BMPR1A: variants seen among roughly 807,000 people sequenced by gnomAD.
BMPR1A encodes the protein bone morphogenetic protein receptor type 1A.
Under a neutral mutation model 66.0 loss-of-function variants are expected in BMPR1A, and 7 were observed. The observed-to-expected ratio is 0.11, with a 90% CI of 0.06 to 0.20. The LOEUF (loss-of-function observed/expected upper bound fraction) is 0.20. BMPR1A is among the 10% of genes least tolerant of loss of function. The pLI, the probability that BMPR1A is intolerant of heterozygous loss-of-function variation, is 1.00. For missense variants in BMPR1A, 408 were observed against 669.1 expected, an observed-to-expected ratio of 0.61 and a Z score of 4.31; for synonymous variants, 200 against 229.7, an observed-to-expected ratio of 0.87 and a Z score of 1.17.
chr10:86,899,203 C>T (rs1450430387), intron 5 of BMPR1A, among the ~76,000 whole-genome samples: 4 of 152,246 alleles, frequency 2.6e-5, no homozygotes, highest in Admixed American at 2.6e-4. Context: ...AGTGCTGCTG[C>T]GCTTCCAGTG....
At chr10:86,794,190 T>C (rs1841671130) in intron 1 of BMPR1A, among the ~76,000 whole-genome samples, 1 of 152,222 alleles carries the variant, frequency 6.6e-6, no homozygotes, top group Non-Finnish European at 1.5e-5. Context: ...ATTATCCTGC[T>C]ACCACAGTTG....
chr10:86,848,260 T>C (rs1231875312), intron 2 of BMPR1A, among the ~76,000 whole-genome samples: 1 of 152,204 alleles, frequency 6.6e-6, no homozygotes, highest in Non-Finnish European at 1.5e-5. Context: ...TTCAGATTTA[T>C]TCTTATAAAA....
At chr10:86,923,155 C>CT (rs1184642122) in intron 11 of BMPR1A, among the ~76,000 whole-genome samples, 2 of 152,158 alleles carry the variant, frequency 1.3e-5, no homozygotes, top group Non-Finnish European at 2.9e-5. Flanking sequence ...TCGATGGACT[C>CT]TATCACAGTT....
intron 1 of BMPR1A, among the ~76,000 whole-genome samples, chr10:86,759,607 G>GT (rs1290528950): frequency 1.3e-5 from 2 of 152,052 alleles, no homozygotes; most frequent in African/African-American, 4.8e-5. Flanking sequence ...TTATGATATT[G>GT]TAACTCTTCT....
intron 1 of BMPR1A, among the ~76,000 whole-genome samples, chr10:86,822,804 A>G (rs1375074566): frequency 6.6e-6 from 1 of 151,290 alleles, no homozygotes; most frequent in Non-Finnish European, 1.5e-5. Flanking sequence ...TAATTTTTGT[A>G]TTTTTAGTAG....
intron 1 of BMPR1A, among the ~76,000 whole-genome samples, chr10:86,805,001 A>C (rs562790792): frequency 6.6e-6 from 1 of 152,192 alleles, no homozygotes; most frequent in Non-Finnish European, 1.5e-5. Context: ...CGGTAGCCTC[A>C]GGCGTTCCTT....
At chr10:86,908,972 T>C (rs1315904687) in intron 7 of BMPR1A, among the ~76,000 whole-genome samples, 1 of 152,202 alleles carries the variant, frequency 6.6e-6, no homozygotes, top group African/African-American at 2.4e-5. Context: ...AGAGGGACTT[T>C]GCTGCTTCTC....
intron 1 of BMPR1A, among the ~76,000 whole-genome samples, chr10:86,833,323 T>C (rs1052009163): frequency 6.6e-6 from 1 of 152,184 alleles, no homozygotes; most frequent in African/African-American, 2.4e-5. Flanking sequence ...AATCTTTTCA[T>C]GAAGCATAGT....
intron 2 of BMPR1A, among the ~76,000 whole-genome samples, chr10:86,867,384 A>G (rs1268995599): frequency 2.0e-5 from 3 of 152,338 alleles, no homozygotes; most frequent in South Asian, 2.1e-4. Context: ...TTGTATGCCT[A>G]TGGGGTGACC....
At chr10:86,874,650 G>T (rs1473720357) in intron 2 of BMPR1A, among the ~76,000 whole-genome samples, 2 of 148,120 alleles carry the variant, frequency 1.4e-5, no homozygotes, top group East Asian at 4.0e-4. Context: ...CTCATGATCT[G>T]CCCACCTCAG....
At position 86,849,499 on chromosome 10, in the gene BMPR1A, C is replaced by A. The variant is rs144961121; in HGVS notation, c.-153+10520C>A. On this transcript the variant is annotated intron_variant, in intron 2 of 12. Transcript: ENST00000372037. Reference sequence around the variant, plus strand: ...GAACTGCAGCTTCTGTGCTCTGTTACTAGTCATTCCATTTTCGATAGTCTA... The same window carrying A: ...GAACTGCAGCTTCTGTGCTCTGTTAATAGTCATTCCATTTTCGATAGTCTA... Among the ~76,000 whole-genome samples, 8 of 152,334 alleles carry A rather than the reference C, an allele frequency of 5.3e-5. No homozygotes were observed. The East Asian group carries it at 9.6e-4, about 18-fold the overall frequency.
chr10:86,865,396 T>C (rs914733080), intron 2 of BMPR1A, among the ~76,000 whole-genome samples: 3 of 152,136 alleles, frequency 2.0e-5, no homozygotes, highest in African/African-American at 7.2e-5. Flanking sequence ...CTGAGCACCT[T>C]GCGACCCCCA....
At chr10:86,909,930 G>T (rs1170240557) in intron 7 of BMPR1A, among the ~76,000 whole-genome samples, 1 of 152,172 alleles carries the variant, frequency 6.6e-6, no homozygotes, top group Non-Finnish European at 1.5e-5. Context: ...CTTTAAGGAG[G>T]TCAGTAGGGC....
chr10:86,877,786 C>T (rs1842938151), intron 3 of BMPR1A, among the ~76,000 whole-genome samples: 1 of 152,166 alleles, frequency 6.6e-6, no homozygotes, highest in Admixed American at 6.5e-5. Context: ...ATTATATTTG[C>T]TACCTCACTT....
At chr10:86,849,578 C>T (rs1326334058) in intron 2 of BMPR1A, among the ~76,000 whole-genome samples, 1 of 152,176 alleles carries the variant, frequency 6.6e-6, no homozygotes, top group Non-Finnish European at 1.5e-5. Flanking sequence ...CAGGATTGGT[C>T]AGTGAATCAA....
At chr10:86,832,724 T>G (rs545006791) in intron 1 of BMPR1A, among the ~76,000 whole-genome samples, 2 of 152,304 alleles carry the variant, frequency 1.3e-5, no homozygotes, top group African/African-American at 4.8e-5. Flanking sequence ...TTGAGGCTCA[T>G]GTATGCTGTA....
intron 3 of BMPR1A, 111 bp from the exon 4 acceptor site, chr10:86,889,951 G>A (rs1843123386): frequency 1.7e-6 from 2 of 1,150,620 alleles, no homozygotes. Flanking sequence ...AAACATGCTA[G>A]CTACAATTAT....
At chr10:86,920,454 G>T (rs1843645529) in intron 10 of BMPR1A, among the ~76,000 whole-genome samples, 1 of 152,180 alleles carries the variant, frequency 6.6e-6, no homozygotes, top group Admixed American at 6.5e-5. Flanking sequence ...ATTCTAGAAT[G>T]GAGTGGCTGC....
At chr10:86,899,407 C>G (rs769068519) in intron 5 of BMPR1A, among the ~76,000 whole-genome samples, 1 of 152,228 alleles carries the variant, frequency 6.6e-6, no homozygotes, top group Non-Finnish European at 1.5e-5. Context: ...CGCCTCTGCA[C>G]GCTCAGCTGC....
Sources: allele counts gnomAD v4.1 joint callset (sites outside exome capture counted in the v4.1 genomes callset), GRCh38; gene constraint gnomAD v4.1.1; transcripts MANE v1.5; gene names NCBI Gene and HGNC (gene_info 2026-07-23, HGNC 2026-07-21).